Variants in ATOSA observed in about 807,000 individuals in gnomAD.
ATOSA encodes atos homolog A, also known as atos homolog protein A.
the ATOSA span, among the ~76,000 whole-genome samples, chr15:52,612,896 A>T: frequency 6.6e-6 from 1 of 152,194 alleles, no homozygotes; most frequent in Admixed American, 6.5e-5. Flanking sequence ...ATTATATGCT[A>T]CTACACCAAA....
the ATOSA span, chr15:52,609,649 T>C: frequency 6.2e-7 from 1 of 1,613,470 alleles, no homozygotes; most frequent in Non-Finnish European, 8.5e-7. Context: ...GAAAGCTTCT[T>C]TACCTTTTCC....
the ATOSA span, chr15:52,678,181 T>G: frequency 3.3e-5 from 27 of 819,020 alleles, no homozygotes; most frequent in Non-Finnish European, 4.9e-5. Context: ...ACCTTGCAAG[T>G]AAACTACTGT....
chr15:52,610,736 C>G, the ATOSA span, among the ~76,000 whole-genome samples: 1 of 152,220 alleles, frequency 6.6e-6, no homozygotes, highest in South Asian at 2.1e-4. Flanking sequence ...GATTAAGAGA[C>G]ACCCTATCTC....
chr15:52,590,618 C>T, the ATOSA span: 1 of 152,154 alleles, frequency 6.6e-6, no homozygotes, highest in African/African-American at 2.4e-5. Context: ...TGTCTTCGCT[C>T]TGCTGGTCTG....
chr15:52,605,329 A>G, the ATOSA span: 1 of 949,006 alleles, frequency 1.1e-6, no homozygotes, highest in Non-Finnish European at 1.6e-6. Flanking sequence ...TTTTAGACTC[A>G]TTCCTAATAC....
the ATOSA span, among the ~76,000 whole-genome samples, chr15:52,686,780 G>C: frequency 6.6e-6 from 1 of 152,114 alleles, no homozygotes; most frequent in East Asian, 1.9e-4. Flanking sequence ...GAGCTCAAGC[G>C]GTCCTCCTAC....
the ATOSA span, among the ~76,000 whole-genome samples, chr15:52,600,411 G>T: frequency 6.6e-6 from 1 of 151,994 alleles, no homozygotes; most frequent in Non-Finnish European, 1.5e-5. Context: ...CAAAGTGCTG[G>T]AGACTACAGG....
chr15:52,621,656 T>C, the ATOSA span, among the ~76,000 whole-genome samples: 148 of 152,254 alleles, frequency 9.7e-4, no homozygotes, highest in African/African-American at 3.4e-3. Flanking sequence ...GATGGTTTTA[T>C]AAAGCGGAGT....
At chr15:52,590,727 T>C in the ATOSA span, 4 of 152,194 alleles carry the variant, frequency 2.6e-5, no homozygotes, top group Admixed American at 2.0e-4. Context: ...AATTAATTCA[T>C]AGCAGGAAAG....
chr15:52,683,019 T>C, the ATOSA span, among the ~76,000 whole-genome samples: 1 of 152,208 alleles, frequency 6.6e-6, no homozygotes, highest in Non-Finnish European at 1.5e-5. Context: ...ATGTATTCTT[T>C]CTGGTCCCAG....
the ATOSA span, among the ~76,000 whole-genome samples, chr15:52,628,879 T>G: frequency 2.3e-3 from 352 of 152,328 alleles, 4 homozygotes; most frequent in Non-Finnish European, 1.5e-3. Flanking sequence ...AACTACTTAA[T>G]TTTTCACTCA....
the ATOSA span, chr15:52,582,097 C>G: frequency 7.1e-7 from 1 of 1,401,954 alleles, no homozygotes; most frequent in East Asian, 2.6e-5. Context: ...CCATTCTATG[C>G]TAATTTTTAC....
chr15:52,593,648 G>T, the ATOSA span: 1 of 1,564,254 alleles, frequency 6.4e-7, no homozygotes, highest in Non-Finnish European at 8.7e-7. Context: ...AGTCAAATGT[G>T]TGGGGCAGAA....
chr15:52,695,069 C>T, the ATOSA span, among the ~76,000 whole-genome samples: 2 of 151,926 alleles, frequency 1.3e-5, no homozygotes, highest in African/African-American at 4.8e-5. Context: ...GGATTACAGG[C>T]GTGCATCACC....
chr15:52,676,399 TAGAAA>T, the ATOSA span, among the ~76,000 whole-genome samples: 1 of 152,086 alleles, frequency 6.6e-6, no homozygotes, highest in Non-Finnish European at 1.5e-5. Context: ...TGAAATAGAA[TAGAAA>T]ATACAACATT....
At chr15:52,612,133 C>T in the ATOSA span, among the ~76,000 whole-genome samples, 1 of 151,960 alleles carries the variant, frequency 6.6e-6, no homozygotes. Context: ...TACAGGTGCC[C>T]GCCAGCACGC....
At chr15:52,624,441 AC>A in the ATOSA span, among the ~76,000 whole-genome samples, 1 of 152,138 alleles carries the variant, frequency 6.6e-6, no homozygotes, top group Non-Finnish European at 1.5e-5. Context: ...TAGTGTACCA[AC>A]CAAAGGTCAT....
At chr15:52,647,555 T>C in the ATOSA span, among the ~76,000 whole-genome samples, 71 of 152,348 alleles carry the variant, frequency 4.7e-4, no homozygotes, top group African/African-American at 1.6e-3. Context: ...TTGTCATTAA[T>C]ATGGAAGGCA....
At chr15:52,600,335 G>A in the ATOSA span, 2 of 667,530 alleles carry the variant, frequency 3.0e-6, no homozygotes, top group Non-Finnish European at 5.1e-6. Flanking sequence ...CGGGAGTACA[G>A]TGGCACCATC....
Sources: gnomAD v4.1 joint callset for allele counts (sites outside exome capture counted in the v4.1 genomes callset) on GRCh38, gnomAD v4.1.1 for gene constraint, MANE v1.5 for transcripts, NCBI Gene and HGNC (gene_info 2026-07-23, HGNC 2026-07-21) for gene names.